Variants in FUT8 observed in about 807,000 individuals in gnomAD.
FUT8 encodes fucosyltransferase 8, also known as alpha-(1,6)-fucosyltransferase.
A neutral mutation model predicts 71.3 loss-of-function variants in FUT8; 29 were observed. That is an observed-to-expected ratio of 0.41 (90% CI 0.30 to 0.55). FUT8 has a LOEUF of 0.55. Ranked by LOEUF, FUT8 falls within the 20% of genes least tolerant of loss-of-function variation. The pLI, the probability that FUT8 is intolerant of heterozygous loss-of-function variation, is 0.34. For missense variants in FUT8, 544 were observed against 702.1 expected (o/e 0.77, Z 2.55); for synonymous variants, 254 against 239.3 (o/e 1.06, Z -0.57).
intron 2 of FUT8, among the ~76,000 whole-genome samples, chr14:65,456,465 G>T (rs2065894943): frequency 6.6e-6 from 1 of 152,008 alleles, no homozygotes; most frequent in Non-Finnish European, 1.5e-5. Flanking sequence ...CCATTTTATG[G>T]ATATACCATA....
chr14:65,594,361 AG>A (rs1223785362), intron 3 of FUT8, among the ~76,000 whole-genome samples: 4 of 152,194 alleles, frequency 2.6e-5, no homozygotes, highest in African/African-American at 9.6e-5. Context: ...CAGCGATGAC[AG>A]GAGTAAACTC....
rs2066054536 is a variant in FUT8 at position 65,467,004 on chromosome 14, C to T, written c.-228+11286C>T. ...ATTATTATTTTGAACAAGTTGTTAT[C>T]TGTTAGATGAATTAAGGATCAGAAA... On this transcript the variant is annotated intron_variant, in intron 2 of 10. Coordinates refer to ENST00000673929, the MANE Select transcript of FUT8 (RefSeq NM_001371533.1). The surrounding 1 kb of genome is among the most constrained non-coding windows in gnomAD (Gnocchi z 4.1). Among the ~76,000 whole-genome samples the T allele has an allele frequency of 6.6e-6, 1 of 152,076 alleles. No individual in the cohort carries two copies. The highest frequency in any genetic ancestry group is 1.5e-5 in the Non-Finnish European group (1 of 68,006).
the FUT8 span, among the ~76,000 whole-genome samples, chr14:65,359,605 C>T: frequency 1.3e-5 from 2 of 152,168 alleles, no homozygotes; most frequent in African/African-American, 2.4e-5. Flanking sequence ...GTGATTGGCT[C>T]ATTTCACTTA....
At position 65,633,280 on chromosome 14, in the gene FUT8, T is replaced by C. The variant is rs954885765; in HGVS notation, c.597+3674T>C. 7.2e-3 allele frequency among the ~76,000 whole-genome samples: 1,088 copies of C among 151,904 alleles called. 7 individuals carry two copies. The highest frequency in any genetic ancestry group is 0.022 in the African/African-American group (908 of 41,404). ...GAGTGATCCGCCAGCCTCGGCCTCC[T>C]GAGGTGCCTGGATTGCAGACGGAGT... is the stretch of plus-strand genomic sequence containing the variant. On this transcript the variant is annotated intron_variant, in intron 6 of 10. Transcript: ENST00000673929.
intron 2 of FUT8, among the ~76,000 whole-genome samples, chr14:65,501,268 G>A (rs1294362108): frequency 6.6e-6 from 1 of 152,102 alleles, no homozygotes. Context: ...TACAGGGAAG[G>A]GATTATACAG....
chr14:65,562,968 C>G (rs1053166421), intron 3 of FUT8, among the ~76,000 whole-genome samples: 4 of 152,000 alleles, frequency 2.6e-5, no homozygotes, highest in African/African-American at 9.7e-5. Flanking sequence ...TCGGATTTTT[C>G]CCTTTGTCTA....
chr14:65,375,010 T>C, the FUT8 span, among the ~76,000 whole-genome samples: 2 of 152,116 alleles, frequency 1.3e-5, no homozygotes, highest in African/African-American at 4.8e-5. Flanking sequence ...ATAAGAGCTG[T>C]TTGTTCATTG....
intron 2 of FUT8, among the ~76,000 whole-genome samples, chr14:65,553,711 G>GT (rs1885421568): frequency 2.0e-5 from 3 of 150,554 alleles, no homozygotes; most frequent in African/African-American, 7.3e-5. Context: ...CTCAGTTGCC[G>GT]TTTTTCCCCC....
At chr14:65,741,431 G>A (rs1033837728) in intron 10 of FUT8, among the ~76,000 whole-genome samples, 8 of 151,986 alleles carry the variant, frequency 5.3e-5, no homozygotes, top group Non-Finnish European at 1.0e-4. Flanking sequence ...TTCTGGGAGC[G>A]GGGAGGGATA....
chr14:65,740,539 G>A (rs1180115917), intron 10 of FUT8, among the ~76,000 whole-genome samples: 1 of 151,996 alleles, frequency 6.6e-6, no homozygotes, highest in Non-Finnish European at 1.5e-5. Flanking sequence ...ATAAAGAAAA[G>A]AGGTTTAACT....
At chr14:65,595,314 T>C (rs1210299891) in intron 3 of FUT8, among the ~76,000 whole-genome samples, 4 of 152,196 alleles carry the variant, frequency 2.6e-5, no homozygotes. Flanking sequence ...AAATATTTTC[T>C]TGAACCCTGT....
At chr14:65,463,277 A>AT (rs2065994178) in intron 2 of FUT8, among the ~76,000 whole-genome samples, 2 of 152,116 alleles carry the variant, frequency 1.3e-5, no homozygotes, top group South Asian at 4.2e-4. Context: ...TTCTTTATTA[A>AT]TTTTTTTGAG....
the FUT8 span, among the ~76,000 whole-genome samples, chr14:65,358,667 C>G: frequency 2.6e-5 from 4 of 152,046 alleles, no homozygotes; most frequent in African/African-American, 9.7e-5. Context: ...CCAGGCTGGT[C>G]TTGAACTTCT....
chr14:65,737,294 G>C (rs2139398992), intron 10 of FUT8, among the ~76,000 whole-genome samples: 1 of 152,124 alleles, frequency 6.6e-6, no homozygotes. Flanking sequence ...AGCCAAGTTT[G>C]TCCTAAAAGC....
intron 7 of FUT8, among the ~76,000 whole-genome samples, chr14:65,718,373 T>TC (rs1225685795): frequency 2.0e-5 from 3 of 152,202 alleles, no homozygotes; most frequent in Non-Finnish European, 2.9e-5. Context: ...CTGTACTTTG[T>TC]CCCCCCAACT....
At chr14:65,376,135 G>A in the FUT8 span, among the ~76,000 whole-genome samples, 1 of 151,824 alleles carries the variant, frequency 6.6e-6, no homozygotes, top group East Asian at 1.9e-4. Flanking sequence ...AAGAAAAGGT[G>A]TGTATTCTGG....
At chr14:65,480,424 T>C (rs1246742702) in intron 2 of FUT8, among the ~76,000 whole-genome samples, 1 of 148,252 alleles carries the variant, frequency 6.7e-6, no homozygotes, top group East Asian at 2.1e-4. Context: ...TAGGTGATCC[T>C]CCCACCTCAG....
chr14:65,468,136 T>C (rs1566765987), intron 2 of FUT8: 3 of 638,262 alleles, frequency 4.7e-6, no homozygotes, highest in Admixed American at 1.9e-5. Context: ...GCCAACAGCA[T>C]GTTGGGTAAC....
chr14:65,395,362 C>T, the FUT8 span, among the ~76,000 whole-genome samples: 1 of 152,222 alleles, frequency 6.6e-6, no homozygotes, highest in Non-Finnish European at 1.5e-5. Context: ...TTCTGCACTG[C>T]CCTAGCAGAG....
Sources: gnomAD v4.1 joint callset for allele counts (sites outside exome capture counted in the v4.1 genomes callset) on GRCh38, gnomAD v4.1.1 for gene constraint, Gnocchi (gnomAD v3.1) non-coding constraint, MANE v1.5 for transcripts, NCBI Gene and HGNC (gene_info 2026-07-23, HGNC 2026-07-21) for gene names.